Variants in GADL1 observed in about 807,000 individuals in gnomAD.
GADL1 encodes the protein GAD like acidic amino acid decarboxylase 1.
A neutral mutation model predicts 69.5 loss-of-function variants in GADL1; 71 were observed. The ratio of observed to expected loss-of-function variants is 1.02; its 90% CI spans 0.84 to 1.25. GADL1 has a LOEUF of 1.25. GADL1 is among the 50% of genes most tolerant of loss of function. The probability of loss-of-function intolerance (pLI) is 0.00; values close to 1 mark genes in which losing one functional copy is unlikely to be tolerated. For synonymous variants in GADL1, 254 were observed against 214.4 expected (o/e 1.18, Z -1.62); for missense variants, 737 against 631.8 (o/e 1.17, Z -1.79).
intron 14 of GADL1, among the ~76,000 whole-genome samples, chr3:30,754,632 CA>C (rs11324385): frequency 0.43 from 64,394 of 149,590 alleles, 14,179 homozygotes; most frequent in African/African-American, 0.53. Flanking sequence ...GCCAAGAATA[CA>C]AAAAAAAAAC....
chr3:30,851,012 GCA>G lies in GADL1; in HGVS notation c.429-73_429-72del, dbSNP rs574430013. On this transcript the variant is annotated intron_variant, in intron 4 of 14. Coordinates refer to ENST00000282538, the MANE Select transcript of GADL1 (RefSeq NM_207359.3). ...ACATTCCTTTGGTGTCCCAAGAAAT[GCA>G]CAGAGTTCTATTAAACCAAGTGGCT... The G allele has an allele frequency of 1.7e-4, 149 of 899,810 alleles. 1 individual carries two copies. The African/African-American group carries it at 2.2e-3, about 13-fold the overall frequency. 55.7% of individuals were successfully genotyped at this position (899,810 alleles called of 1,614,324 possible). A position where few individuals can be genotyped will look rare whatever the true frequency, so the allele number is the denominator to read the frequency against.
intron 1 of GADL1, among the ~76,000 whole-genome samples, chr3:30,880,203 A>T (rs1315432222): frequency 6.6e-6 from 1 of 151,996 alleles, no homozygotes; most frequent in African/African-American, 2.4e-5. Flanking sequence ...AATTTTTAAA[A>T]TACAGTAAAT....
chr3:30,805,645 A>G (rs1040663555), intron 11 of GADL1, among the ~76,000 whole-genome samples: 2 of 151,050 alleles, frequency 1.3e-5, no homozygotes, highest in South Asian at 2.1e-4. Context: ...TTTGATTTCT[A>G]TAGGCCAGAT....
chr3:30,728,795 G>A (rs17029872), intron 14 of GADL1, among the ~76,000 whole-genome samples: 15,363 of 151,986 alleles, frequency 0.1, 871 homozygotes, highest in East Asian at 0.23. Flanking sequence ...GGTGTCCACA[G>A]GGATTACAGT....
At chr3:30,769,400 C>G (rs892650309) in intron 14 of GADL1, among the ~76,000 whole-genome samples, 1 of 151,974 alleles carries the variant, frequency 6.6e-6, no homozygotes, top group African/African-American at 2.4e-5. Context: ...ACACACACAC[C>G]CAGATACCTC....
intron 13 of GADL1, among the ~76,000 whole-genome samples, chr3:30,784,494 C>T (rs1696746639): frequency 1.3e-5 from 2 of 152,152 alleles, no homozygotes. Flanking sequence ...GCAAGATCTT[C>T]CATATGTCTA....
intron 1 of GADL1, among the ~76,000 whole-genome samples, chr3:30,867,098 C>T (rs922513285): frequency 4.1e-4 from 62 of 151,884 alleles, no homozygotes; most frequent in African/African-American, 1.3e-3. Flanking sequence ...AATTGGAGCC[C>T]ATCTGAGGAA....
intron 11 of GADL1, among the ~76,000 whole-genome samples, chr3:30,824,201 GAA>G (rs527355795): frequency 2.7e-5 from 4 of 150,478 alleles, no homozygotes; most frequent in African/African-American, 7.3e-5. Flanking sequence ...GAAGCCAGAG[GAA>G]AAAAAGTCAT....
intron 11 of GADL1, among the ~76,000 whole-genome samples, chr3:30,806,404 T>C (rs1697256780): frequency 6.6e-6 from 1 of 152,198 alleles, no homozygotes; most frequent in Admixed American, 6.5e-5. Context: ...CAAATTTAGG[T>C]TGCAAATAAA....
chr3:30,864,064 T>C (rs944581843), intron 1 of GADL1, among the ~76,000 whole-genome samples: 2 of 151,988 alleles, frequency 1.3e-5, no homozygotes. Context: ...TTTAACATGG[T>C]TTAGGGCCAA....
At chr3:30,756,640 C>G (rs190886417) in intron 14 of GADL1, among the ~76,000 whole-genome samples, 1 of 152,226 alleles carries the variant, frequency 6.6e-6, no homozygotes, top group Non-Finnish European at 1.5e-5. Flanking sequence ...CATTTGCTCT[C>G]GGAACACTAC....
intron 14 of GADL1, among the ~76,000 whole-genome samples, chr3:30,767,653 A>G (rs1696314463): frequency 6.6e-6 from 1 of 152,184 alleles, no homozygotes; most frequent in South Asian, 2.1e-4. Context: ...GGAATAGAAT[A>G]TCAGGTTTAT....
chr3:30,833,155 A>G (rs1012890163), intron 11 of GADL1, among the ~76,000 whole-genome samples: 2 of 152,092 alleles, frequency 1.3e-5, no homozygotes, highest in African/African-American at 4.8e-5. Context: ...GATCTTGAGG[A>G]GGCATTTCTA....
intron 1 of GADL1, among the ~76,000 whole-genome samples, chr3:30,877,735 AAAGG>A (rs1698596490): frequency 6.6e-6 from 1 of 151,966 alleles, no homozygotes. Flanking sequence ...CAACATCAGC[AAAGG>A]AAGGACTTTG....
intron 14 of GADL1, among the ~76,000 whole-genome samples, chr3:30,757,090 C>T (rs538107486): frequency 6.6e-6 from 1 of 152,302 alleles, no homozygotes; most frequent in Admixed American, 6.5e-5. Flanking sequence ...CACCTCGAGA[C>T]TAAGGCTGAG....
Position 30,768,569 on chromosome 3 carries a change from G to A in GADL1, c.1392+9610C>T, listed in dbSNP as rs1177468680. ...GAAGAGGGGGAGAGAGAAGGGGTGGGGAGGGGGAGGAGAGGCGGAGAAGGA... is the reference window on the plus strand; with the variant it reads ...GAAGAGGGGGAGAGAGAAGGGGTGGAGAGGGGGAGGAGAGGCGGAGAAGGA... On this transcript the variant is annotated intron_variant, in intron 14 of 14. Transcript: ENST00000282538. 2.0e-5 allele frequency among the ~76,000 whole-genome samples: 3 copies of A among 146,956 alleles called. No homozygotes were observed. The South Asian group carries it at 6.7e-4, about 33-fold the overall frequency.
At chr3:30,754,896 T>C (rs956017666) in intron 14 of GADL1, among the ~76,000 whole-genome samples, 12 of 140,996 alleles carry the variant, frequency 8.5e-5, no homozygotes, top group African/African-American at 2.8e-4. Flanking sequence ...TTGGGTAGGA[T>C]TTTTAAATTA....
At chr3:30,806,570 A>T (rs1168668238) in intron 11 of GADL1, among the ~76,000 whole-genome samples, 1 of 152,210 alleles carries the variant, frequency 6.6e-6, no homozygotes, top group Non-Finnish European at 1.5e-5. Context: ...AAAAGTCACC[A>T]TCCTTAAGGC....
At chr3:30,765,821 C>A (rs1351143443) in intron 14 of GADL1, among the ~76,000 whole-genome samples, 9 of 152,174 alleles carry the variant, frequency 5.9e-5, no homozygotes, top group African/African-American at 2.2e-4. Flanking sequence ...CATCCCTATG[C>A]TTAAAATTCA....
Sources: allele counts gnomAD v4.1 joint callset (sites outside exome capture counted in the v4.1 genomes callset), GRCh38; gene constraint gnomAD v4.1.1; transcripts MANE v1.5; gene names NCBI Gene and HGNC (gene_info 2026-07-23, HGNC 2026-07-21).